Variants in NR2F1-AS1 observed in about 807,000 individuals in gnomAD.
The protein encoded by NR2F1-AS1 is NR2F1 antisense RNA 1.
chr5:93,514,503 T>C (rs1335993908), intron 4 of NR2F1-AS1, among the ~76,000 whole-genome samples: 1 of 152,114 alleles, frequency 6.6e-6, no homozygotes, highest in African/African-American at 2.4e-5. Context: ...TCAGAAAGTC[T>C]GGCCAGTTTC....
chr5:93,417,137 G>A (rs1303085203), intron 4 of NR2F1-AS1, among the ~76,000 whole-genome samples: 1 of 152,124 alleles, frequency 6.6e-6, no homozygotes. Flanking sequence ...AGAGAAATCT[G>A]CTTTTTAAAG....
At chr5:93,518,766 A>T (rs761384327) in intron 4 of NR2F1-AS1, among the ~76,000 whole-genome samples, 3 of 152,080 alleles carry the variant, frequency 2.0e-5, no homozygotes, top group Non-Finnish European at 4.4e-5. Flanking sequence ...CCATTTCCAC[A>T]TAATATAGGG....
intron 4 of NR2F1-AS1, among the ~76,000 whole-genome samples, chr5:93,448,645 G>C (rs752529962): frequency 6.6e-6 from 1 of 152,190 alleles, no homozygotes; most frequent in Non-Finnish European, 1.5e-5. Flanking sequence ...GCTGCCAGCT[G>C]AAAGCTGGCA....
intron 4 of NR2F1-AS1, among the ~76,000 whole-genome samples, chr5:93,447,328 A>C (rs1481961994): frequency 6.6e-6 from 1 of 152,206 alleles, no homozygotes; most frequent in African/African-American, 2.4e-5. Flanking sequence ...AATATCCAGA[A>C]TCTACAAAGA....
chr5:93,567,205 T>C lies in NR2F1-AS1; in HGVS notation n.314-3742A>G, dbSNP rs117269765. 4.1e-4 allele frequency among the ~76,000 whole-genome samples: 63 copies of C among 152,244 alleles called. No individual in the cohort carries two copies. In the East Asian group the frequency reaches 0.01, roughly 24 times the overall value. On this transcript the variant is annotated intron_variant and non_coding_transcript_variant, in intron 1 of 5. Transcript: ENST00000660523. ...AATCTGGCACAGAAAAAGAAGTATT[T>C]GTCAATCACATAGACAACACCTTTT...
chr5:93,579,845 G>A lies in NR2F1-AS1; in HGVS notation n.313+622C>T, dbSNP rs1580351662. On this transcript the variant is annotated intron_variant and non_coding_transcript_variant, in intron 1 of 5. Transcript: ENST00000660523. This position sits in a 1 kb window ranked among gnomAD's most constrained non-coding sequence, Gnocchi z 5.1. ...CGAATCCCGGTGCTCTCTCGCCGCC[G>A]CCGCAGGTTGTCTGCTCGGGAGAGC... Among the ~76,000 whole-genome samples, 1 of 152,328 alleles carries A rather than the reference G, an allele frequency of 6.6e-6. No homozygotes were observed. The highest frequency in any genetic ancestry group is 1.5e-5 in the Non-Finnish European group (1 of 68,032).
At chr5:93,411,164 G>A (rs1034989901) in intron 4 of NR2F1-AS1, 6 of 152,196 alleles carry the variant, frequency 3.9e-5, no homozygotes, top group African/African-American at 9.7e-5. Context: ...ATTTTGTGCA[G>A]TGGTTCACAT....
intron 4 of NR2F1-AS1, among the ~76,000 whole-genome samples, chr5:93,483,027 CAG>C (rs1750635224): frequency 6.6e-6 from 1 of 152,206 alleles, no homozygotes; most frequent in South Asian, 2.1e-4. Flanking sequence ...GCAGCTTCAG[CAG>C]ACTTAAACGT....
At position 93,464,061 on chromosome 5, in the gene NR2F1-AS1, T is replaced by C. The variant is rs140808896; in HGVS notation, n.639-68519A>G. Among the ~76,000 whole-genome samples, 367 of 152,318 alleles carry C rather than the reference T, an allele frequency of 2.4e-3. 2 individuals carry two copies. Among genetic ancestry groups the C allele is most frequent in the African/African-American group, 8.3e-3 (346 of 41,578 alleles). The stretch of plus-strand genomic sequence containing the variant: ...TTCGGAGGGGCCAGAGGTGGAATGA[T>C]ATGGTTTGGCTGTGTCCCCACCCAA... On this transcript the variant is annotated intron_variant and non_coding_transcript_variant, in intron 4 of 5. Transcript: ENST00000660523.
chr5:93,498,899 A>G (rs1185151575), intron 4 of NR2F1-AS1, among the ~76,000 whole-genome samples: 1 of 152,176 alleles, frequency 6.6e-6, no homozygotes, highest in African/African-American at 2.4e-5. Context: ...ATGTTGTCTA[A>G]AAGCCTTGTA....
At chr5:93,468,458 G>T (rs572594206) in intron 4 of NR2F1-AS1, among the ~76,000 whole-genome samples, 1 of 152,206 alleles carries the variant, frequency 6.6e-6, no homozygotes, top group Non-Finnish European at 1.5e-5. Context: ...CTTTTGAGAA[G>T]TGTCTGTTCA....
At chr5:93,473,284 T>G (rs2149871319) in intron 4 of NR2F1-AS1, among the ~76,000 whole-genome samples, 1 of 152,054 alleles carries the variant, frequency 6.6e-6, no homozygotes, top group South Asian at 2.1e-4. Flanking sequence ...TCTTTCTGAG[T>G]AATAAAGATA....
intron 4 of NR2F1-AS1, among the ~76,000 whole-genome samples, chr5:93,499,113 T>C (rs1460846457): frequency 1.3e-5 from 2 of 152,186 alleles, no homozygotes; most frequent in African/African-American, 4.8e-5. Flanking sequence ...TCTTTTCATG[T>C]GAAAGAAAGG....
intron 4 of NR2F1-AS1, among the ~76,000 whole-genome samples, chr5:93,495,297 T>C (rs1271962564): frequency 6.6e-6 from 1 of 152,216 alleles, no homozygotes; most frequent in East Asian, 1.9e-4. Flanking sequence ...CCATACTTTA[T>C]TCTGTTTTAT....
intron 4 of NR2F1-AS1, among the ~76,000 whole-genome samples, chr5:93,551,317 A>G (rs1052782451): frequency 6.6e-6 from 1 of 152,050 alleles, no homozygotes; most frequent in Non-Finnish European, 1.5e-5. Context: ...AATACCAGAA[A>G]CCTTAAGCTT....
chr5:93,549,278 A>G (rs929718264), intron 4 of NR2F1-AS1, among the ~76,000 whole-genome samples: 3 of 152,246 alleles, frequency 2.0e-5, no homozygotes, highest in Admixed American at 6.5e-5. Flanking sequence ...ATATAAATTC[A>G]GAATATTACT....
intron 4 of NR2F1-AS1, among the ~76,000 whole-genome samples, chr5:93,524,058 C>T (rs1242489422): frequency 1.3e-5 from 2 of 151,766 alleles, no homozygotes; most frequent in African/African-American, 4.8e-5. Flanking sequence ...CAAACTCCCC[C>T]GAGCTGAAGG....
intron 4 of NR2F1-AS1, among the ~76,000 whole-genome samples, chr5:93,502,196 G>T (rs1284052676): frequency 6.6e-6 from 1 of 152,180 alleles, no homozygotes; most frequent in Non-Finnish European, 1.5e-5. Flanking sequence ...AAATGTGTGA[G>T]ACTCACTTTA....
chr5:93,553,344 C>A (rs1385441941), intron 4 of NR2F1-AS1, among the ~76,000 whole-genome samples: 1 of 152,094 alleles, frequency 6.6e-6, no homozygotes, highest in Non-Finnish European at 1.5e-5. Flanking sequence ...GCCTTGGCCT[C>A]CCAAAGTGCT....
Sources: gnomAD v4.1 joint callset for allele counts (sites outside exome capture counted in the v4.1 genomes callset) on GRCh38, gnomAD v4.1.1 for gene constraint, Gnocchi (gnomAD v3.1) non-coding constraint, MANE v1.5 for transcripts, NCBI Gene and HGNC (gene_info 2026-07-23, HGNC 2026-07-21) for gene names.